The following SPOCK1 variants were observed in gnomAD, a reference collection of about 807,000 sequenced individuals.
The protein encoded by SPOCK1 is testican-1.
In SPOCK1, 23 loss-of-function variants were observed where a neutral mutation model predicts 55.3. That is an observed-to-expected ratio of 0.42 (90% CI 0.30 to 0.59). The LOEUF is 0.59. SPOCK1 is among the 20% of genes least tolerant of loss of function. The pLI is 0.22. For synonymous variants in SPOCK1, 226 were observed against 221.0 expected, an observed-to-expected ratio of 1.02 and a Z score of -0.20; for missense variants, 499 against 552.5, an observed-to-expected ratio of 0.90 and a Z score of 0.97.
At chr5:137,391,726 A>G (rs2127179588) in intron 2 of SPOCK1, among the ~76,000 whole-genome samples, 1 of 151,910 alleles carries the variant, frequency 6.6e-6, no homozygotes, top group African/African-American at 2.4e-5. Flanking sequence ...CATTTTTCAC[A>G]TGTCCCCTGG....
intron 2 of SPOCK1, among the ~76,000 whole-genome samples, chr5:137,407,446 C>T (rs565180467): frequency 6.6e-6 from 1 of 152,228 alleles, no homozygotes; most frequent in South Asian, 2.1e-4. Flanking sequence ...TGCAGTCACT[C>T]ACCAGCTTGG....
At position 137,320,926 on chromosome 5, in the gene SPOCK1, AAG is replaced by A. The variant is rs566145362; in HGVS notation, c.187-53873_187-53872del. On this transcript the variant is annotated intron_variant, in intron 2 of 10. Coordinates refer to ENST00000394945, the MANE Select transcript of SPOCK1 (RefSeq NM_004598.4). The stretch of plus-strand genomic sequence containing the variant: ...TATCCAGAAATTGGTCCTAAAGAAA[AAG>A]AGTTATATGAATTATCTCATAAACA... Among the ~76,000 whole-genome samples the A allele has an allele frequency of 2.1e-3, 324 of 152,350 alleles. 1 individual carries two copies. Among genetic ancestry groups the A allele is most frequent in the South Asian group, 6.6e-3 (32 of 4,820 alleles).
chr5:137,389,272 G>T (rs915136558), intron 2 of SPOCK1, among the ~76,000 whole-genome samples: 4 of 152,190 alleles, frequency 2.6e-5, no homozygotes, highest in African/African-American at 9.6e-5. Context: ...GGTCCTGTCT[G>T]TCCCCTCAGG....
intron 6 of SPOCK1, among the ~76,000 whole-genome samples, chr5:137,012,664 G>A (rs1233087937): frequency 6.6e-6 from 1 of 152,190 alleles, no homozygotes; most frequent in African/African-American, 2.4e-5. Flanking sequence ...TTAGAGGCAT[G>A]TTTCTGATGG....
At chr5:137,471,189 T>A (rs761333045) in intron 2 of SPOCK1, among the ~76,000 whole-genome samples, 7 of 152,186 alleles carry the variant, frequency 4.6e-5, no homozygotes, top group Non-Finnish European at 8.8e-5. Context: ...CATAGGGTGA[T>A]CCTGGGCTGA....
chr5:137,295,586 G>A (rs1311382781), intron 2 of SPOCK1, among the ~76,000 whole-genome samples: 1 of 152,192 alleles, frequency 6.6e-6, no homozygotes, highest in Non-Finnish European at 1.5e-5. Context: ...AAAGGACCCA[G>A]TATTTGCTAA....
intron 2 of SPOCK1, among the ~76,000 whole-genome samples, chr5:137,332,559 C>T (rs371437406): frequency 1.1e-4 from 17 of 152,276 alleles, no homozygotes; most frequent in African/African-American, 3.8e-4. Flanking sequence ...CTGGCCAGCA[C>T]CATGGATGCT....
intron 2 of SPOCK1, among the ~76,000 whole-genome samples, chr5:137,392,434 C>T (rs978173393): frequency 6.6e-6 from 1 of 152,184 alleles, no homozygotes; most frequent in African/African-American, 2.4e-5. Context: ...ATCTCTGTCC[C>T]TCTTTTCTTC....
At chr5:137,197,454 C>G (rs1026932181) in intron 3 of SPOCK1, among the ~76,000 whole-genome samples, 1 of 152,140 alleles carries the variant, frequency 6.6e-6, no homozygotes, top group Non-Finnish European at 1.5e-5. Flanking sequence ...TTTTCCCATG[C>G]ACAACAAGGT....
At chr5:137,329,238 T>C (rs1758129343) in intron 2 of SPOCK1, among the ~76,000 whole-genome samples, 1 of 152,040 alleles carries the variant, frequency 6.6e-6, no homozygotes, top group Non-Finnish European at 1.5e-5. Flanking sequence ...AACTGAAAAA[T>C]AGGCTCTTTT....
rs1441222823 is a variant in SPOCK1, at chr5:137,456,067, G to A, written c.186+42306C>T. Among the ~76,000 whole-genome samples, 3 of 151,766 alleles carry A rather than the reference G, an allele frequency of 2.0e-5. No homozygotes were observed. In the East Asian group the frequency reaches 5.8e-4, roughly 29 times the overall value. ...AAGAAGAAAAAAGGAGGAGAAGGAA[G>A]AAAGAAGAAAAAGCAGGAGGAGGAG... On this transcript the variant is annotated intron_variant, in intron 2 of 10. Coordinates refer to ENST00000394945, the MANE Select transcript of SPOCK1 (RefSeq NM_004598.4).
At chr5:137,095,820 G>A (rs776068320) in intron 5 of SPOCK1, among the ~76,000 whole-genome samples, 2 of 152,180 alleles carry the variant, frequency 1.3e-5, no homozygotes, top group Non-Finnish European at 1.5e-5. Flanking sequence ...GACTGAAATA[G>A]CAGGTCAAAA....
At chr5:137,156,519 A>G (rs556286341) in intron 3 of SPOCK1, among the ~76,000 whole-genome samples, 2 of 152,198 alleles carry the variant, frequency 1.3e-5, no homozygotes, top group Non-Finnish European at 2.9e-5. Flanking sequence ...GTGTGTGTGA[A>G]GCAGTGACCT....
intron 2 of SPOCK1, among the ~76,000 whole-genome samples, chr5:137,329,943 C>T (rs1042200001): frequency 1.3e-5 from 2 of 152,114 alleles, no homozygotes; most frequent in Non-Finnish European, 2.9e-5. Context: ...AGACAGGCTC[C>T]CCTGGCCCTC....
chr5:137,130,844 G>GA (rs1753861391), intron 4 of SPOCK1, among the ~76,000 whole-genome samples: 1 of 152,208 alleles, frequency 6.6e-6, no homozygotes, highest in East Asian at 1.9e-4. Flanking sequence ...GTATGCCCAT[G>GA]AAAAACCTCA....
chr5:137,407,502 A>G (rs193157670), intron 2 of SPOCK1, among the ~76,000 whole-genome samples: 1 of 152,292 alleles, frequency 6.6e-6, no homozygotes, highest in Admixed American at 6.5e-5. Context: ...AAACTATTCC[A>G]TGGTAGCATT....
rs146069398 is a variant in SPOCK1, at chr5:137,330,901, T to G, written c.187-63846A>C. 7.0e-3 allele frequency among the ~76,000 whole-genome samples: 1,073 copies of G among 152,376 alleles called. 8 individuals are homozygous for G. Among genetic ancestry groups the G allele is most frequent in the Non-Finnish European group, 0.011 (753 of 68,042 alleles). On this transcript the variant is annotated intron_variant, in intron 2 of 10. Transcript: ENST00000394945. ...TATCAGGTAACTGTGATAAGTACTA[T>G]GCACATTATACGATTTAATCCACCT... is the stretch of plus-strand genomic sequence containing the variant.
intron 3 of SPOCK1, among the ~76,000 whole-genome samples, chr5:137,171,229 G>A (rs765466833): frequency 1.3e-5 from 2 of 152,114 alleles, no homozygotes; most frequent in Non-Finnish European, 2.9e-5. Context: ...TCACGCTCTT[G>A]TCTTGACAGC....
At chr5:137,445,885 A>C (rs1269256065) in intron 2 of SPOCK1, among the ~76,000 whole-genome samples, 1 of 152,204 alleles carries the variant, frequency 6.6e-6, no homozygotes, top group Non-Finnish European at 1.5e-5. Flanking sequence ...TGGTATTCAG[A>C]TCCCTGGAAC....
Sources: gnomAD v4.1 joint callset for allele counts (sites outside exome capture counted in the v4.1 genomes callset) on GRCh38, gnomAD v4.1.1 for gene constraint, MANE v1.5 for transcripts, NCBI Gene and HGNC (gene_info 2026-07-23, HGNC 2026-07-21) for gene names.